The following SLC22A12 variants were observed in gnomAD, a reference collection of about 807,000 sequenced individuals.
SLC22A12 encodes the protein organic anion transporter 4-like protein.
SLC22A12 carries 56 observed loss-of-function variants against 52.7 expected under a neutral mutation model. That is an observed-to-expected ratio of 1.06 (90% CI 0.86 to 1.33). The LOEUF (loss-of-function observed/expected upper bound fraction) is 1.33. Among genes scored for constraint, SLC22A12 ranks in the 40% most tolerant of loss-of-function variants. The pLI, the probability that SLC22A12 is intolerant of heterozygous loss-of-function variation, is 0.00. For synonymous variants in SLC22A12, 337 were observed against 324.6 expected (o/e 1.04, Z -0.41); for missense variants, 683 against 741.5 (o/e 0.92, Z 0.92).
chr11:64,601,087 T>A, intron 9 of SLC22A12, 149 bp downstream of exon 9: 2 of 1,069,310 alleles, frequency 1.9e-6, no homozygotes, highest in Non-Finnish European at 2.8e-6. Flanking sequence ...AGTACATCTC[T>A]GGGAGAGTGG....
At chr11:64,601,010 C>G in intron 9 of SLC22A12, 72 bp downstream of exon 9, 1 of 1,563,414 alleles carries the variant, frequency 6.4e-7, no homozygotes, top group South Asian at 1.1e-5. Context: ...GCCTGCTCAC[C>G]CATCCCCATC....
chr11:64,598,069 G>A (rs1253161494), intron 4 of SLC22A12, among the ~76,000 whole-genome samples: 2 of 152,132 alleles, frequency 1.3e-5, no homozygotes, highest in African/African-American at 4.8e-5. Flanking sequence ...ATGTGGTATG[G>A]GAGGTGCCAG....
chr11:64,596,083 T>C (rs575208165), intron 4 of SLC22A12, among the ~76,000 whole-genome samples: 150 of 150,922 alleles, frequency 9.9e-4, no homozygotes, highest in African/African-American at 3.5e-3. Context: ...GATGGTTTGA[T>C]GGTTGAATGG....
In SLC22A12 at chr11:64,600,879, G is replaced by A. The variant is rs528464460; in HGVS notation, c.1539G>A (p.Leu513=). ...TVPVLSGLAA[L]LLPETQSLPL... is the part of the protein sequence containing the mutation. ...CAGTGCTGAGTGGCCTGGCCGCACT[G>A]CTTCTGCCCGAGACCCAGAGCTTGC... The change falls in exon 9 of 10, where the codon CTG becomes CTA. Residue 513 remains leucine, a synonymous_variant. Transcript: ENST00000377574. 1.2e-6 allele frequency: 2 copies of A among 1,609,486 alleles called. No individual in the cohort carries two copies. The highest frequency in any genetic ancestry group is 2.7e-5 in the African/African-American group (2 of 75,012).
At chr11:64,601,354 C>A (rs1315800952) in intron 9 of SLC22A12, 134 bp from the exon 10 acceptor site, 1 of 869,234 alleles carries the variant, frequency 1.2e-6, no homozygotes, top group Non-Finnish European at 1.9e-6. Flanking sequence ...CAACCCATCA[C>A]ATGCTCGGGA....
At chr11:64,597,673 C>T (rs962630353) in intron 4 of SLC22A12, among the ~76,000 whole-genome samples, 9 of 152,218 alleles carry the variant, frequency 5.9e-5, no homozygotes, top group African/African-American at 2.2e-4. Flanking sequence ...CCCACCCTGG[C>T]TGCTCATAGG....
Position 64,598,557 on chromosome 11 carries a change from G to T in SLC22A12, c.872G>T (p.Arg291Met). Residue 291 changes from arginine (R) to methionine (M), a missense_variant, in exon 5 of 10, where the codon AGG becomes ATG. Arg to Met is a moderately conservative substitution (Grantham distance 91). Coordinates refer to ENST00000377574, the MANE Select transcript of SLC22A12 (RefSeq NM_144585.4). ...ESARWLLTTG[R>M]LDWGLQELWR... is the part of the protein sequence containing the mutation. ...GCACGATGGCTCCTCACCACAGGCAGGCTGGATTGGGGCCTGCAGGAGCTG... is the reference window on the plus strand; with the variant it reads ...GCACGATGGCTCCTCACCACAGGCATGCTGGATTGGGGCCTGCAGGAGCTG... 1 of 1,603,868 alleles carries T rather than the reference G, an allele frequency of 6.2e-7. No individual in the cohort carries two copies. The highest frequency in any genetic ancestry group is 2.3e-5 in the East Asian group (1 of 44,402).
In SLC22A12 at chr11:64,591,841, G is replaced by A; in HGVS notation, c.285G>A (p.Gln95=). The A allele has an allele frequency of 6.2e-7, 1 of 1,612,578 alleles. No homozygotes were observed. Among genetic ancestry groups the A allele is most frequent in the South Asian group, 1.1e-5 (1 of 91,080 alleles). ...AGTGCCGCCGCTTCCGCCAGCCACAGTGGCAGCTCTTGGACCCCAATGCCA... is the reference window on the plus strand; with the variant it reads ...AGTGCCGCCGCTTCCGCCAGCCACAATGGCAGCTCTTGGACCCCAATGCCA... The part of the protein sequence containing the change: ...PHQCRRFRQP[Q]WQLLDPNATA... Residue 95 remains glutamine, a synonymous_variant, in exon 1 of 10, where the codon CAG becomes CAA. Coordinates refer to ENST00000377574, the MANE Select transcript of SLC22A12 (RefSeq NM_144585.4).
At chr11:64,595,117 A>T (rs2039086486) in intron 4 of SLC22A12, among the ~76,000 whole-genome samples, 3 of 125,968 alleles carry the variant, frequency 2.4e-5, no homozygotes, top group Non-Finnish European at 3.4e-5. Context: ...GGATGGATGG[A>T]TGGATGGATG....
In SLC22A12 at chr11:64,593,410, G is replaced by A; in HGVS notation, c.512G>A (p.Gly171Glu). The A allele has an allele frequency of 6.2e-7, 1 of 1,614,132 alleles. No homozygotes were observed. Residue 171 changes from glycine (G) to glutamate (E), a missense_variant, in exon 3 of 10, where the codon GGG becomes GAG. Coordinates refer to ENST00000377574, the MANE Select transcript of SLC22A12 (RefSeq NM_144585.4). ...CTTCCTGGTTTGTGCCGCAGGTTTG[G>A]GCGCAGGCTGGTGCTAACCTGGAGC... ...AACGPASDRF[G>E]RRLVLTWSYL...
intron 2 of SLC22A12, among the ~76,000 whole-genome samples, chr11:64,593,199 G>A (rs1364238599): frequency 6.6e-6 from 1 of 152,266 alleles, no homozygotes; most frequent in Non-Finnish European, 1.5e-5. Flanking sequence ...GGTGACTGGA[G>A]CCCATTCCCT....
Position 64,595,922 on chromosome 11 carries a change from A to AGATG in SLC22A12, c.830+2162_830+2165dup, listed in dbSNP as rs200030094. 3.3e-3 allele frequency among the ~76,000 whole-genome samples: 304 copies of AGATG among 92,960 alleles called. 4 individuals carry two copies. Among genetic ancestry groups the AGATG allele is most frequent in the East Asian group, 3.9e-3 (10 of 2,532 alleles). The allele number at this position is 92,960 out of a possible 152,430, so 61.0% of individuals were successfully genotyped here. ...AGATGAATGGATAGATGGTTGGAAA[A>AGATG]GATGGATGGATGGATGGATGGATGG... On this transcript the variant is annotated intron_variant, in intron 4 of 9. Transcript: ENST00000377574.
At chr11:64,596,257 T>TGGATGGAATGGATGGATGGATGGGAG (rs1554987892) in intron 4 of SLC22A12, among the ~76,000 whole-genome samples, 1 of 135,112 alleles carries the variant, frequency 7.4e-6, no homozygotes, top group Non-Finnish European at 1.6e-5. Flanking sequence ...AATGGATGGA[T>TGGATGGAATGGATGGATGGATGGGAG]GGATGGATGG....
intron 1 of SLC22A12, 48 bp from the exon 2 acceptor site, chr11:64,592,731 C>T: frequency 6.6e-7 from 1 of 1,516,840 alleles, no homozygotes; most frequent in African/African-American, 1.4e-5. Context: ...TGCCTCTCTG[C>T]TGGGGCTCTC....
rs374257423 is a variant in SLC22A12, at chr11:64,598,789, C to T, written c.955-19C>T. On this transcript the variant is annotated intron_variant, in intron 5 of 9. Coordinates refer to ENST00000377574, the MANE Select transcript of SLC22A12 (RefSeq NM_144585.4). ...CCTGGCGCCCCCAGTGCCAACAGCA[C>T]CCACCCCCGCCTCCACAGGTCTTGC... 1.1e-5 allele frequency: 18 copies of T among 1,611,800 alleles called. No homozygotes were observed. In the African/African-American group the frequency reaches 1.6e-4, roughly 14 times the overall value.
At chr11:64,598,493 C>G (rs747705736) in intron 4 of SLC22A12, 23 bp from the exon 5 acceptor site, 1 of 1,558,548 alleles carries the variant, frequency 6.4e-7, no homozygotes, top group South Asian at 1.2e-5. Flanking sequence ...GCAATGACCC[C>G]TCCCACGCCC....
intron 9 of SLC22A12, 109 bp from the exon 10 acceptor site, chr11:64,601,379 C>A: frequency 8.9e-7 from 1 of 1,122,542 alleles, no homozygotes; most frequent in Non-Finnish European, 1.3e-6. Context: ...AGTTCTGGGC[C>A]CCCGAGAGCA....
At position 64,600,482 on chromosome 11, in the gene SLC22A12, C is replaced by G; in HGVS notation, c.1394+7C>G. The G allele has an allele frequency of 3.1e-6, 5 of 1,590,472 alleles. No homozygotes were observed. Among genetic ancestry groups the G allele is most frequent in the Non-Finnish European group, 4.3e-6 (5 of 1,172,400 alleles). On this transcript the variant is annotated splice_region_variant and intron_variant, in intron 8 of 9. Coordinates refer to ENST00000377574, the MANE Select transcript of SLC22A12 (RefSeq NM_144585.4). ...TCTTCCCCACTGTGCTCAGGTGAGG[C>G]TGGGCCTGGGCTCCAGGAGAGGGGA...
In SLC22A12 at chr11:64,600,431, C is replaced by T; in HGVS notation, c.1350C>T (p.Thr450=). ...LGLGGVGAAF[T]CITIYSSELF... ...TGGGCGGGGTGGGGGCTGCCTTCACCTGCATCACCATCTACAGCAGCGAGC... is the reference window on the plus strand; with the variant it reads ...TGGGCGGGGTGGGGGCTGCCTTCACTTGCATCACCATCTACAGCAGCGAGC... Residue 450 remains threonine, a synonymous_variant, in exon 8 of 10, where the codon ACC becomes ACT. Transcript: ENST00000377574. The T allele has an allele frequency of 6.2e-7, 1 of 1,608,340 alleles. No homozygotes were observed. Among genetic ancestry groups the T allele is most frequent in the South Asian group, 1.1e-5 (1 of 90,268 alleles).
Sources: gnomAD v4.1 joint callset for allele counts (sites outside exome capture counted in the v4.1 genomes callset) on GRCh38, gnomAD v4.1.1 for gene constraint, MANE v1.5 for transcripts, NCBI Gene and HGNC (gene_info 2026-07-23, HGNC 2026-07-21) for gene names.